The following VPS8 variants were observed in gnomAD, a reference collection of about 807,000 sequenced individuals.
VPS8 encodes vacuolar protein sorting-associated protein 8 homolog.
VPS8 carries 129 observed loss-of-function variants against 216.4 expected under a neutral mutation model. That is an observed-to-expected ratio of 0.60 (90% CI 0.52 to 0.69). The LOEUF (loss-of-function observed/expected upper bound fraction) is 0.69. Among genes scored for constraint, VPS8 ranks in the 30% least tolerant of loss-of-function variants. VPS8 has a pLI of 0.00. For missense variants in VPS8, 1,531 were observed against 1,683.5 expected (o/e 0.91, Z 1.59); for synonymous variants, 571 against 565.4 (o/e 1.01, Z -0.14).
intron 25 of VPS8, among the ~76,000 whole-genome samples, chr3:184,908,603 A>G (rs979635904): frequency 2.0e-5 from 3 of 152,174 alleles, no homozygotes; most frequent in Admixed American, 6.5e-5. Flanking sequence ...CTCTGGCCCC[A>G]TTGTGTGGGG....
Position 184,824,632 on chromosome 3 carries a change from T to C in VPS8, c.-1T>C, listed in dbSNP as rs1429760759. Reference sequence around the variant, plus strand: ...ACTGAATACTGTTATTAGAAGTAAATATGGAAAATGAACCAGACCATGAAA... The same window carrying C: ...ACTGAATACTGTTATTAGAAGTAAACATGGAAAATGAACCAGACCATGAAA... On this transcript the variant is annotated 5_prime_UTR_variant, in exon 2 of 48. Coordinates refer to ENST00000625842, the MANE Select transcript of VPS8 (RefSeq NM_001009921.3). 1 of 1,613,016 alleles carries C rather than the reference T, an allele frequency of 6.2e-7. No homozygotes were observed. The highest frequency in any genetic ancestry group is 1.1e-5 in the South Asian group (1 of 91,020).
intron 31 of VPS8, 39 bp from the exon 32 acceptor site, chr3:184,928,412 A>T (rs1226087721): frequency 1.3e-6 from 2 of 1,499,604 alleles, no homozygotes; most frequent in East Asian, 2.6e-5. Context: ...GAGCTAGTAA[A>T]TTCTCAAGTG....
At chr3:184,816,736 A>G (rs1309859349) in intron 1 of VPS8, among the ~76,000 whole-genome samples, 9 of 152,134 alleles carry the variant, frequency 5.9e-5, no homozygotes, top group Admixed American at 4.6e-4. Flanking sequence ...TTGTTTTTCC[A>G]TGTTGGAACT....
intron 26 of VPS8, 70 bp from the exon 27 acceptor site, chr3:184,914,911 C>A: frequency 6.9e-7 from 1 of 1,439,644 alleles, no homozygotes; most frequent in Non-Finnish European, 9.8e-7. Context: ...GTTTGAGAAA[C>A]AATGTGTTAC....
intron 35 of VPS8, among the ~76,000 whole-genome samples, chr3:184,939,029 C>CA (rs201525906): frequency 0.058 from 3,060 of 52,906 alleles, 118 homozygotes; most frequent in African/African-American, 0.14. Flanking sequence ...GACCCTGTCT[C>CA]AAAAAAAAAA....
chr3:184,948,203 G>A (rs981074846), intron 36 of VPS8, among the ~76,000 whole-genome samples: 3 of 144,752 alleles, frequency 2.1e-5, no homozygotes, highest in Non-Finnish European at 4.5e-5. Context: ...AACAAGAATA[G>A]TGATTGGCCA....
At chr3:185,027,532 G>A (rs574047379) in intron 46 of VPS8, among the ~76,000 whole-genome samples, 6 of 152,154 alleles carry the variant, frequency 3.9e-5, no homozygotes, top group East Asian at 3.9e-4. Flanking sequence ...GTGAGCCACC[G>A]CACCCGGCTC....
intron 47 of VPS8, among the ~76,000 whole-genome samples, chr3:185,049,396 C>G (rs373911167): frequency 5.9e-5 from 9 of 152,266 alleles, no homozygotes; most frequent in African/African-American, 2.2e-4. Flanking sequence ...AGAGCAGAGA[C>G]CTGGCAGCAC....
At chr3:184,843,043 T>A (rs1210599434) in intron 7 of VPS8, among the ~76,000 whole-genome samples, 197 bp from the exon 8 acceptor site, 2 of 152,130 alleles carry the variant, frequency 1.3e-5, no homozygotes, top group Non-Finnish European at 2.9e-5. Context: ...TATTATGGAT[T>A]TTTTCCCATA....
At chr3:184,859,911 G>A (rs1725952254) in intron 14 of VPS8, 74 bp from the exon 15 acceptor site, 4 of 1,036,738 alleles carry the variant, frequency 3.9e-6, no homozygotes, top group Non-Finnish European at 5.9e-6. Context: ...TACTCTAGGT[G>A]GAGTATAATT....
chr3:184,916,397 C>T (rs901063810), intron 28 of VPS8, among the ~76,000 whole-genome samples: 1 of 151,930 alleles, frequency 6.6e-6, no homozygotes, highest in African/African-American at 2.4e-5. Flanking sequence ...CACACATATA[C>T]ACAGTATTTG....
At chr3:184,907,642 G>A (rs1181794176) in intron 25 of VPS8, among the ~76,000 whole-genome samples, 1 of 152,150 alleles carries the variant, frequency 6.6e-6, no homozygotes, top group Non-Finnish European at 1.5e-5. Flanking sequence ...AATTCTCTGG[G>A]CTTCTTTGTC....
At chr3:184,820,816 C>A (rs556949044) in intron 1 of VPS8, among the ~76,000 whole-genome samples, 1 of 152,204 alleles carries the variant, frequency 6.6e-6, no homozygotes, top group South Asian at 2.1e-4. Context: ...TTAAAAAAAA[C>A]CTAAAACATG....
At chr3:184,986,049 CT>C (rs35322183) in intron 42 of VPS8, among the ~76,000 whole-genome samples, 1 of 152,072 alleles carries the variant, frequency 6.6e-6, no homozygotes, top group Non-Finnish European at 1.5e-5. Context: ...CAATAATTAA[CT>C]TTTTTGAGTA....
At chr3:185,016,725 A>G (rs1755852036) in intron 45 of VPS8, among the ~76,000 whole-genome samples, 1 of 152,078 alleles carries the variant, frequency 6.6e-6, no homozygotes, top group East Asian at 1.9e-4. Flanking sequence ...AACATTCTCC[A>G]TTTCCCTGAT....
chr3:184,999,920 C>T (rs1934640662), intron 45 of VPS8, 59 bp downstream of exon 45: 1 of 1,510,164 alleles, frequency 6.6e-7, no homozygotes, highest in Non-Finnish European at 8.9e-7. Context: ...GTCATTTGGG[C>T]CTGGTCTCAT....
At chr3:184,900,405 T>G (rs1325687104) in intron 24 of VPS8, among the ~76,000 whole-genome samples, 9 of 152,216 alleles carry the variant, frequency 5.9e-5, no homozygotes, top group Non-Finnish European at 1.3e-4. Flanking sequence ...TTGGGCTTTT[T>G]GATGCTAATG....
chr3:184,914,540 T>G (rs1737168290), intron 26 of VPS8, among the ~76,000 whole-genome samples: 2 of 152,156 alleles, frequency 1.3e-5, no homozygotes, highest in Admixed American at 1.3e-4. Flanking sequence ...CCCAGACATT[T>G]AGCCTCTTTC....
At chr3:184,834,557 T>G in intron 4 of VPS8, 92 bp from the exon 5 acceptor site, 2 of 957,140 alleles carry the variant, frequency 2.1e-6, no homozygotes, top group Non-Finnish European at 3.0e-6. Flanking sequence ...GTCTTCTGCT[T>G]TTTGTGCGTG....
Sources: allele counts gnomAD v4.1 joint callset (sites outside exome capture counted in the v4.1 genomes callset), GRCh38; gene constraint gnomAD v4.1.1; transcripts MANE v1.5; gene names NCBI Gene and HGNC (gene_info 2026-07-23, HGNC 2026-07-21).